DLG2: variants seen among roughly 807,000 people sequenced by gnomAD.
The protein encoded by DLG2 is disks large homolog 2.
In DLG2, 45 loss-of-function variants were observed where a neutral mutation model predicts 132.5. The ratio of observed to expected loss-of-function variants is 0.34; its 90% CI spans 0.27 to 0.44. DLG2 has a LOEUF of 0.44. Among genes scored for constraint, DLG2 ranks in the 20% least tolerant of loss-of-function variants. The pLI is 1.00. For missense variants in DLG2, 1,045 were observed against 1,196.9 expected (o/e 0.87, Z 1.87); for synonymous variants, 424 against 419.6 (o/e 1.01, Z -0.13).
At chr11:84,852,026 G>A (rs6592209) in intron 6 of DLG2, among the ~76,000 whole-genome samples, 1,864 of 152,026 alleles carry the variant, frequency 0.012, 51 homozygotes, top group African/African-American at 0.042. Context: ...TTAATGAACC[G>A]ATTTGACAGC....
intron 3 of DLG2, among the ~76,000 whole-genome samples, chr11:85,373,968 C>T (rs896285492): frequency 1.1e-4 from 16 of 152,158 alleles, no homozygotes; most frequent in Admixed American, 2.6e-4. Flanking sequence ...TCATGTAACA[C>T]GTCACTCTGC....
intron 18 of DLG2, among the ~76,000 whole-genome samples, chr11:83,719,732 A>C (rs1385746305): frequency 6.6e-6 from 1 of 152,172 alleles, no homozygotes; most frequent in Non-Finnish European, 1.5e-5. Context: ...GTGGGAGAAA[A>C]TTACAACGAG....
chr11:85,574,094 C>T (rs150677089), intron 3 of DLG2, among the ~76,000 whole-genome samples: 2,428 of 152,142 alleles, frequency 0.016, 28 homozygotes, highest in Middle Eastern at 0.054. Flanking sequence ...ATTAATGAAA[C>T]TATTTTGCAT....
chr11:83,566,188 G>A (rs1483069165), intron 19 of DLG2, among the ~76,000 whole-genome samples: 2 of 152,186 alleles, frequency 1.3e-5, no homozygotes, highest in African/African-American at 4.8e-5. Flanking sequence ...TAACTGCTCA[G>A]TTATTACACG....
At chr11:85,541,517 T>C (rs1293422721) in intron 3 of DLG2, among the ~76,000 whole-genome samples, 1 of 151,036 alleles carries the variant, frequency 6.6e-6, no homozygotes, top group Non-Finnish European at 1.5e-5. Context: ...TTATAATATA[T>C]ACTAATGGGC....
chr11:84,245,813 T>G (rs932659906), intron 8 of DLG2, among the ~76,000 whole-genome samples: 1 of 152,206 alleles, frequency 6.6e-6, no homozygotes, highest in Non-Finnish European at 1.5e-5. Context: ...TTTTTATTTT[T>G]TATTCTCATA....
At chr11:85,318,309 C>A (rs2080826808) in intron 3 of DLG2, among the ~76,000 whole-genome samples, 1 of 151,816 alleles carries the variant, frequency 6.6e-6, no homozygotes, top group Non-Finnish European at 1.5e-5. Context: ...GTGGCCAAAT[C>A]CTTCTCCAGA....
chr11:84,312,887 G>A (rs1268511913), intron 7 of DLG2, among the ~76,000 whole-genome samples: 1 of 151,988 alleles, frequency 6.6e-6, no homozygotes, highest in Non-Finnish European at 1.5e-5. Flanking sequence ...TCGGCTCACT[G>A]TAACCTCCAC....
chr11:84,106,978 G>GGT, intron 9 of DLG2, among the ~76,000 whole-genome samples: 1 of 34,204 alleles, frequency 2.9e-5, no homozygotes, highest in Non-Finnish European at 9.5e-5. Flanking sequence ...TTTAGCCTTA[G>GGT]GGTGTGTGTG....
chr11:84,667,653 C>T (rs1007743600), intron 6 of DLG2, among the ~76,000 whole-genome samples: 6 of 150,972 alleles, frequency 4.0e-5, no homozygotes, highest in Admixed American at 6.6e-5. Context: ...CCCACCACCA[C>T]GCCTAGCTAA....
chr11:84,281,165 G>A (rs572411519), intron 7 of DLG2, among the ~76,000 whole-genome samples: 8 of 152,000 alleles, frequency 5.3e-5, no homozygotes, highest in South Asian at 2.1e-4. Flanking sequence ...TTAACTCAAC[G>A]TGGATTATAT....
At chr11:85,119,173 A>G (rs560212359) in intron 5 of DLG2, among the ~76,000 whole-genome samples, 1 of 152,020 alleles carries the variant, frequency 6.6e-6, no homozygotes, top group Non-Finnish European at 1.5e-5. Context: ...CTTTTTTGTC[A>G]GTATATAGAA....
At position 85,494,555 on chromosome 11, in the gene DLG2, G is replaced by A. The variant is rs539811054; in HGVS notation, c.40+104102C>T. ...GAGTGGCTTTTTTTTAATCTTAAAA[G>A]TAAGACAGTCTCCTGGATTATGCTG... On this transcript the variant is annotated intron_variant, in intron 3 of 27. Coordinates refer to ENST00000376104, the MANE Select transcript of DLG2 (RefSeq NM_001142699.3). 4.0e-5 allele frequency among the ~76,000 whole-genome samples: 6 copies of A among 150,012 alleles called. No homozygotes were observed. In the East Asian group the frequency reaches 1.2e-3, roughly 31 times the overall value.
intron 7 of DLG2, among the ~76,000 whole-genome samples, chr11:84,502,045 T>G (rs925940575): frequency 5.9e-5 from 9 of 151,776 alleles, no homozygotes; most frequent in Non-Finnish European, 1.2e-4. Flanking sequence ...TCTTTGCCTT[T>G]CTTTTCTTTT....
intron 6 of DLG2, among the ~76,000 whole-genome samples, chr11:84,861,219 AAGG>A: frequency 6.6e-6 from 1 of 152,212 alleles, no homozygotes; most frequent in East Asian, 1.9e-4. Context: ...TGGCTTCCTA[AAGG>A]AGATCATATG....
At chr11:84,266,738 A>G (rs2097642561) in intron 7 of DLG2, among the ~76,000 whole-genome samples, 1 of 152,206 alleles carries the variant, frequency 6.6e-6, no homozygotes, top group Non-Finnish European at 1.5e-5. Flanking sequence ...ACAGAGGCAG[A>G]GTTGGTGGAT....
intron 18 of DLG2, among the ~76,000 whole-genome samples, chr11:83,700,582 A>T (rs1014855961): frequency 6.6e-6 from 1 of 152,242 alleles, no homozygotes; most frequent in Non-Finnish European, 1.5e-5. Flanking sequence ...GAAATGATTT[A>T]AAAACAAGAA....
At chr11:85,373,379 G>T (rs890045274) in intron 3 of DLG2, among the ~76,000 whole-genome samples, 1 of 152,132 alleles carries the variant, frequency 6.6e-6, no homozygotes, top group Non-Finnish European at 1.5e-5. Context: ...GAACACTTAG[G>T]CTTCTAGGGA....
intron 6 of DLG2, among the ~76,000 whole-genome samples, chr11:84,605,076 G>A (rs954858057): frequency 6.6e-6 from 1 of 151,736 alleles, no homozygotes; most frequent in African/African-American, 2.4e-5. Flanking sequence ...ATTATTCAAG[G>A]CTAGTACATA....
Sources: allele counts gnomAD v4.1 joint callset (sites outside exome capture counted in the v4.1 genomes callset), GRCh38; gene constraint gnomAD v4.1.1; transcripts MANE v1.5; gene names NCBI Gene and HGNC (gene_info 2026-07-23, HGNC 2026-07-21).